The following PRELID2 variants were observed in gnomAD, a reference collection of about 807,000 sequenced individuals.
PRELID2 encodes the protein PRELI domain containing 2.
A neutral mutation model predicts 28.4 loss-of-function variants in PRELID2; 25 were observed. That is an observed-to-expected ratio of 0.88 (90% confidence interval 0.64 to 1.23). The LOEUF is 1.23. Among genes scored for constraint, PRELID2 ranks in the 50% most tolerant of loss-of-function variants. The pLI, the probability that PRELID2 is intolerant of heterozygous loss-of-function variation, is 0.00. For missense variants in PRELID2, 201 were observed against 214.4 expected (o/e 0.94, Z 0.39); for synonymous variants, 76 against 71.6 (o/e 1.06, Z -0.31).
intron 1 of PRELID2, among the ~76,000 whole-genome samples, chr5:145,651,368 G>A (rs1754294127): frequency 6.6e-6 from 1 of 152,194 alleles, no homozygotes. Flanking sequence ...AGAAACCTCT[G>A]CAGACTTCAA....
intron 1 of PRELID2, among the ~76,000 whole-genome samples, chr5:145,732,978 G>A (rs756750054): frequency 6.7e-6 from 1 of 150,264 alleles, no homozygotes; most frequent in Non-Finnish European, 1.5e-5. Flanking sequence ...TTGTATAGGT[G>A]TTTTTCAAGG....
the PRELID2 span, among the ~76,000 whole-genome samples, chr5:145,341,469 G>C: frequency 6.6e-6 from 1 of 152,150 alleles, no homozygotes; most frequent in East Asian, 1.9e-4. Context: ...GAACCTGGGA[G>C]GTGGAGATTG....
the PRELID2 span, among the ~76,000 whole-genome samples, chr5:145,261,779 G>A: frequency 6.6e-6 from 1 of 152,038 alleles, no homozygotes; most frequent in African/African-American, 2.4e-5. Flanking sequence ...ATGACAACAA[G>A]GTTTTTAACA....
chr5:145,817,332 T>A (rs1192226961), intron 4 of PRELID2, among the ~76,000 whole-genome samples: 2 of 142,724 alleles, frequency 1.4e-5, no homozygotes. Flanking sequence ...AGAACTTAGA[T>A]ACCATCTGTC....
chr5:145,280,996 A>G, the PRELID2 span, among the ~76,000 whole-genome samples: 1 of 152,110 alleles, frequency 6.6e-6, no homozygotes, highest in Non-Finnish European at 1.5e-5. Flanking sequence ...CAGTATCTAG[A>G]TGCTCAAATG....
intron 1 of PRELID2, among the ~76,000 whole-genome samples, chr5:145,500,628 G>A (rs1752351690): frequency 6.6e-6 from 1 of 152,146 alleles, no homozygotes. Context: ...GTTTTTGGTT[G>A]CAAGTAACAG....
At chr5:145,375,971 T>C in the PRELID2 span, among the ~76,000 whole-genome samples, 1 of 152,210 alleles carries the variant, frequency 6.6e-6, no homozygotes, top group Non-Finnish European at 1.5e-5. Flanking sequence ...TCTTTTCTTG[T>C]GCCAGTTTTC....
chr5:145,297,614 G>A, the PRELID2 span, among the ~76,000 whole-genome samples: 1 of 151,638 alleles, frequency 6.6e-6, no homozygotes, highest in Admixed American at 6.6e-5. Flanking sequence ...GGAAGTTCTG[G>A]CCAGGGCAAT....
intron 1 of PRELID2, among the ~76,000 whole-genome samples, chr5:145,672,723 G>A (rs1323589443): frequency 6.6e-6 from 1 of 152,032 alleles, no homozygotes; most frequent in Admixed American, 6.6e-5. Context: ...TAAAGGCCCT[G>A]AGCAATAAAA....
At chr5:145,488,553 GA>G (rs967555324) in intron 1 of PRELID2, among the ~76,000 whole-genome samples, 1 of 151,966 alleles carries the variant, frequency 6.6e-6, no homozygotes, top group Non-Finnish European at 1.5e-5. Flanking sequence ...GATTAAGATA[GA>G]AAAAAAGAAG....
chr5:145,311,526 G>A, the PRELID2 span, among the ~76,000 whole-genome samples: 1 of 152,180 alleles, frequency 6.6e-6, no homozygotes, highest in African/African-American at 2.4e-5. Flanking sequence ...TGGCTGGTTA[G>A]ACTCAGGGCA....
At chr5:145,423,234 G>A in the PRELID2 span, among the ~76,000 whole-genome samples, 2 of 150,088 alleles carry the variant, frequency 1.3e-5, no homozygotes, top group Non-Finnish European at 3.0e-5. Flanking sequence ...TCTTCTCGAG[G>A]AGTATCTTTG....
chr5:145,531,025 C>T (rs560008123), intron 1 of PRELID2, among the ~76,000 whole-genome samples: 2 of 152,222 alleles, frequency 1.3e-5, no homozygotes, highest in East Asian at 1.9e-4. Flanking sequence ...GAAGTAAATT[C>T]TTTGAAAGAA....
intron 1 of PRELID2, among the ~76,000 whole-genome samples, chr5:145,596,544 T>A (rs865998024): frequency 6.6e-6 from 1 of 151,070 alleles, no homozygotes; most frequent in Non-Finnish European, 1.5e-5. Context: ...TTCCTGCTCA[T>A]CAAACTCTAA....
intron 1 of PRELID2, among the ~76,000 whole-genome samples, chr5:145,566,974 A>ATTAT (rs1473186590): frequency 1.3e-5 from 2 of 152,042 alleles, no homozygotes; most frequent in Non-Finnish European, 2.9e-5. Context: ...ATAAACATGT[A>ATTAT]TTATTTACAC....
At chr5:145,425,586 C>G in the PRELID2 span, among the ~76,000 whole-genome samples, 1 of 152,048 alleles carries the variant, frequency 6.6e-6, no homozygotes, top group African/African-American at 2.4e-5. Flanking sequence ...TAAAAAAGAA[C>G]AAGATTACGT....
Position 145,737,079 on chromosome 5 carries a change from G to A in PRELID2, n.70+27852C>T, listed in dbSNP as rs1038538715. Among the ~76,000 whole-genome samples, 7 of 152,118 alleles carry A rather than the reference G, an allele frequency of 4.6e-5. No individual in the cohort carries two copies. In the South Asian group the frequency reaches 8.3e-4, roughly 18 times the overall value. On this transcript the variant is annotated intron_variant and non_coding_transcript_variant, in intron 1 of 2. Coordinates refer to the PRELID2 transcript ENST00000510259. ...GGAAGAGATAAAAGGAAGAGAGAAG[G>A]AAAAGAGGAGAGAAAGAGAGACCGA... is the stretch of plus-strand genomic sequence containing the variant.
chr5:145,394,506 A>T, the PRELID2 span, among the ~76,000 whole-genome samples: 1 of 152,088 alleles, frequency 6.6e-6, no homozygotes, highest in Admixed American at 6.6e-5. Flanking sequence ...TGGGTGCAGC[A>T]CACCAACATG....
chr5:145,711,438 T>A (rs1755692337), intron 1 of PRELID2, among the ~76,000 whole-genome samples: 1 of 152,160 alleles, frequency 6.6e-6, no homozygotes, highest in African/African-American at 2.4e-5. Flanking sequence ...CTGCCATTGA[T>A]TTGGATAAGA....
Sources: allele counts gnomAD v4.1 joint callset (sites outside exome capture counted in the v4.1 genomes callset), GRCh38; gene constraint gnomAD v4.1.1; transcripts MANE v1.5; gene names NCBI Gene and HGNC (gene_info 2026-07-23, HGNC 2026-07-21).